ANP32B: variants seen among roughly 807,000 people sequenced by gnomAD.
ANP32B encodes acidic leucine-rich nuclear phosphoprotein 32 family member B.
ANP32B carries 6 observed loss-of-function variants against 32.2 expected under a neutral mutation model. The observed-to-expected ratio is 0.19, with a 90% CI of 0.10 to 0.37. The LOEUF (loss-of-function observed/expected upper bound fraction) is 0.37, where lower values mean the gene tolerates loss of function less well. ANP32B is among the 10% of genes least tolerant of loss of function. ANP32B has a pLI of 1.00. For synonymous variants in ANP32B, 98 were observed against 105.8 expected, an observed-to-expected ratio of 0.93 and a Z score of 0.45; for missense variants, 204 against 289.2, an observed-to-expected ratio of 0.71 and a Z score of 2.14.
chr9:97,989,717 T>C (rs980955483), intron 1 of ANP32B, among the ~76,000 whole-genome samples: 1 of 152,186 alleles, frequency 6.6e-6, no homozygotes, highest in Non-Finnish European at 1.5e-5. Context: ...TCAACTACAC[T>C]CTTCCAAAGC....
chr9:98,004,536 C>T (rs1180647573), intron 3 of ANP32B, among the ~76,000 whole-genome samples: 1 of 152,170 alleles, frequency 6.6e-6, no homozygotes, highest in African/African-American at 2.4e-5. Flanking sequence ...TTATAAATCT[C>T]TGAATTTTTC....
At chr9:97,984,241 G>T (rs1307314577) in intron 1 of ANP32B, among the ~76,000 whole-genome samples, 5 of 151,038 alleles carry the variant, frequency 3.3e-5, no homozygotes. Context: ...CGGAGCGGGG[G>T]AGGGGCGGGC....
intron 1 of ANP32B, among the ~76,000 whole-genome samples, chr9:97,985,696 C>A (rs1173218944): frequency 6.6e-6 from 1 of 152,212 alleles, no homozygotes; most frequent in African/African-American, 2.4e-5. Flanking sequence ...TTTTAAAATT[C>A]TCAAGAGTAG....
chr9:98,005,693 G>A (rs1003161889), intron 4 of ANP32B, among the ~76,000 whole-genome samples: 1 of 152,196 alleles, frequency 6.6e-6, no homozygotes, highest in Non-Finnish European at 1.5e-5. Context: ...CAAGTGGTGG[G>A]ATTACAGGGA....
intron 6 of ANP32B, 46 bp from the exon 7 acceptor site, chr9:98,015,317 CA>C (rs1192854360): frequency 1.3e-6 from 2 of 1,543,642 alleles, no homozygotes; most frequent in Non-Finnish European, 1.7e-6. Context: ...ATAATCTAAG[CA>C]AAATGCCTTT....
chr9:97,990,735 T>G (rs1470066067), intron 1 of ANP32B, among the ~76,000 whole-genome samples: 1 of 152,126 alleles, frequency 6.6e-6, no homozygotes, highest in Non-Finnish European at 1.5e-5. Flanking sequence ...CCATCTCTCT[T>G]GAAGGAGCTG....
intron 4 of ANP32B, among the ~76,000 whole-genome samples, chr9:98,007,255 C>T (rs1828101820): frequency 6.6e-6 from 1 of 152,202 alleles, no homozygotes; most frequent in Non-Finnish European, 1.5e-5. Context: ...GTTGATCCTG[C>T]CTGCTGCTAA....
intron 1 of ANP32B, among the ~76,000 whole-genome samples, chr9:97,988,401 T>C (rs1229083003): frequency 2.0e-5 from 3 of 152,174 alleles, no homozygotes; most frequent in African/African-American, 7.2e-5. Context: ...GCAGTCGTGC[T>C]ACCTAAACAC....
chr9:97,987,509 G>A (rs1827757054), intron 1 of ANP32B: 1 of 152,166 alleles, frequency 6.6e-6, no homozygotes, highest in Admixed American at 6.5e-5. Flanking sequence ...TCTAAAATTG[G>A]AAAAGAATAC....
intron 1 of ANP32B, among the ~76,000 whole-genome samples, chr9:97,989,002 G>C (rs2131581195): frequency 6.6e-6 from 1 of 152,248 alleles, no homozygotes; most frequent in East Asian, 1.9e-4. Context: ...CGCCCCACCA[G>C]TTAGGTAAAG....
At chr9:98,004,906 G>T in intron 3 of ANP32B, 58 bp from the exon 4 acceptor site, 2 of 1,390,078 alleles carry the variant, frequency 1.4e-6, no homozygotes, top group Non-Finnish European at 2.0e-6. Flanking sequence ...TCAAGAGATG[G>T]ATTTGTTACT....
chr9:97,985,598 G>T (rs1303904878), intron 1 of ANP32B, among the ~76,000 whole-genome samples: 2 of 152,170 alleles, frequency 1.3e-5, no homozygotes, highest in African/African-American at 4.8e-5. Context: ...TAGCCAAAGT[G>T]CCCGCAAGAG....
Position 97,983,543 on chromosome 9 carries a change from G to T in ANP32B, c.-13G>T. On this transcript the variant is annotated 5_prime_UTR_variant, in exon 1 of 7. Transcript: ENST00000339399. ...GCGGAAAGTTAAGTTTGAAGAGGGG[G>T]GAAGAGGGGAACATGGACATGAAGA... 3 of 1,571,422 alleles carry T rather than the reference G, an allele frequency of 1.9e-6. No homozygotes were observed. Among genetic ancestry groups the T allele is most frequent in the South Asian group, 1.2e-5 (1 of 85,278 alleles).
At chr9:97,984,035 G>A (rs1293240353) in intron 1 of ANP32B, among the ~76,000 whole-genome samples, 1 of 149,828 alleles carries the variant, frequency 6.7e-6, no homozygotes, top group Non-Finnish European at 1.5e-5. Flanking sequence ...GGCCAGGCCG[G>A]GCTCCGCGCG....
At chr9:97,988,850 TTC>T (rs1827779755) in intron 1 of ANP32B, among the ~76,000 whole-genome samples, 1 of 152,206 alleles carries the variant, frequency 6.6e-6, no homozygotes, top group East Asian at 1.9e-4. Flanking sequence ...AGGAATTACT[TTC>T]TATATTTTGG....
At chr9:98,012,725 T>G (rs917809960) in intron 6 of ANP32B, among the ~76,000 whole-genome samples, 3 of 151,660 alleles carry the variant, frequency 2.0e-5, no homozygotes, top group African/African-American at 7.3e-5. Flanking sequence ...TTTTTCGGGG[T>G]GGTGGTGGTG....
chr9:98,011,205 C>G lies in ANP32B; in HGVS notation c.518-66C>G, dbSNP rs551151004. On this transcript the variant is annotated intron_variant, in intron 4 of 6. Coordinates refer to ENST00000339399, the MANE Select transcript of ANP32B (RefSeq NM_006401.3). ...TTGTTCTGTGAGCCAGCCCACAGAT[C>G]CTCAACACTTTGTCCCCTGTGGAGC... 3 of 1,515,496 alleles carry G rather than the reference C, an allele frequency of 2.0e-6. No homozygotes were observed. The East Asian group carries it at 7.4e-5, about 37-fold the overall frequency. The allele number at this position is 1,515,496 out of a possible 1,614,324, so 93.9% of individuals were successfully genotyped here.
intron 5 of ANP32B, 43 bp downstream of exon 5, chr9:98,011,432 C>G (rs138358910): frequency 2.6e-6 from 4 of 1,551,342 alleles, no homozygotes; most frequent in Admixed American, 4.1e-5. Context: ...TTTGTAATTA[C>G]AACAAAAGTG....
chr9:98,011,278 A>T lies in ANP32B; in HGVS notation c.525A>T (p.Glu175Asp), dbSNP rs1423224178. The change falls in exon 5 of 7, where the codon GAA becomes GAT. Residue 175 changes from glutamate (E) to aspartate (D), a missense_variant. By Grantham distance (45) the Glu-to-Asp change is conservative. Coordinates refer to ENST00000339399, the MANE Select transcript of ANP32B (RefSeq NM_006401.3). ...CTTTTGGACTATTTTTAGAAGGAGA[A>T]GATGAGGAAGACGAGGACGATGAGG... The part of the protein sequence containing the change: ...VDEEEEDEEG[E>D]DEEDEDDEDG... 2 of 1,551,240 alleles carry T rather than the reference A, an allele frequency of 1.3e-6. No individual in the cohort carries two copies. Among genetic ancestry groups the T allele is most frequent in the East Asian group, 2.4e-5 (1 of 40,928 alleles).
Sources: allele counts gnomAD v4.1 joint callset (sites outside exome capture counted in the v4.1 genomes callset), GRCh38; gene constraint gnomAD v4.1.1; transcripts MANE v1.5; gene names NCBI Gene and HGNC (gene_info 2026-07-23, HGNC 2026-07-21).